The following CDKL4 variants were observed in gnomAD, a reference collection of about 807,000 sequenced individuals.
CDKL4 encodes cyclin-dependent kinase-like 4.
CDKL4 carries 44 observed loss-of-function variants against 42.0 expected under a neutral mutation model. The ratio of observed to expected loss-of-function variants is 1.05; its 90% CI spans 0.82 to 1.35. The LOEUF (loss-of-function observed/expected upper bound fraction) is 1.35. Ranked by LOEUF, CDKL4 falls within the 40% of genes most tolerant of loss-of-function variation. The probability of loss-of-function intolerance (pLI) is 0.00; values close to 1 mark genes in which losing one functional copy is unlikely to be tolerated. For missense variants in CDKL4, 393 were observed against 369.9 expected (o/e 1.06, Z -0.51); for synonymous variants, 120 against 121.6 (o/e 0.99, Z 0.09).
upstream of CDKL4, among the ~76,000 whole-genome samples, chr2:39,245,133 A>G (rs1481275449): frequency 2.0e-5 from 3 of 152,212 alleles, no homozygotes; most frequent in Non-Finnish European, 4.4e-5. Context: ...TCCTTTCCAC[A>G]CTGTGGAAGC....
At chr2:39,212,410 T>G (rs1159102582) in intron 4 of CDKL4, among the ~76,000 whole-genome samples, 1 of 151,836 alleles carries the variant, frequency 6.6e-6, no homozygotes. Context: ...ATTTTTTGTA[T>G]TTTTAGTAGA....
At chr2:39,232,402 C>T (rs1679129591) in intron 1 of CDKL4, among the ~76,000 whole-genome samples, 3 of 152,206 alleles carry the variant, frequency 2.0e-5, no homozygotes, top group Admixed American at 2.0e-4. Context: ...AATTCCTACT[C>T]TCTTATTTGA....
At chr2:39,215,115 T>G (rs1235438434) in intron 3 of CDKL4, among the ~76,000 whole-genome samples, 1 of 152,200 alleles carries the variant, frequency 6.6e-6, no homozygotes, top group Non-Finnish European at 1.5e-5. Flanking sequence ...CAAACATCTG[T>G]GCATCAAAGT....
chr2:39,236,471 A>T (rs907992603), intron 1 of CDKL4, among the ~76,000 whole-genome samples: 1 of 152,204 alleles, frequency 6.6e-6, no homozygotes, highest in African/African-American at 2.4e-5. Flanking sequence ...ATGAATTCCA[A>T]ATAGGATAAA....
intron 3 of CDKL4, among the ~76,000 whole-genome samples, chr2:39,221,723 A>T (rs772719730): frequency 7.9e-5 from 12 of 152,218 alleles, no homozygotes; most frequent in Non-Finnish European, 1.6e-4. Context: ...ATTGCAAAAC[A>T]CATATTCAAC....
upstream of CDKL4, among the ~76,000 whole-genome samples, chr2:39,245,652 C>T (rs182172840): frequency 5.3e-4 from 81 of 152,336 alleles, no homozygotes; most frequent in East Asian, 1.9e-3. Context: ...ACCATGTCCC[C>T]TTCTTTCCCA....
intron 3 of CDKL4, among the ~76,000 whole-genome samples, chr2:39,225,532 G>A (rs1454405404): frequency 6.6e-6 from 1 of 151,790 alleles, no homozygotes. Context: ...TCTTATTAGT[G>A]AATTATATGA....
chr2:39,246,551 C>T (rs1047742900), upstream of CDKL4, among the ~76,000 whole-genome samples: 1 of 152,236 alleles, frequency 6.6e-6, no homozygotes, highest in Non-Finnish European at 1.5e-5. Flanking sequence ...TATTACTCTG[C>T]TTCAGGCACC....
At chr2:39,237,013 G>C (rs573887814) in intron 1 of CDKL4, among the ~76,000 whole-genome samples, 68 of 152,272 alleles carry the variant, frequency 4.5e-4, no homozygotes, top group African/African-American at 1.6e-3. Flanking sequence ...ACATAGAAGA[G>C]GAGGGAACAT....
At chr2:39,196,618 T>C (rs1429044052) in intron 5 of CDKL4, among the ~76,000 whole-genome samples, 1 of 152,164 alleles carries the variant, frequency 6.6e-6, no homozygotes, top group Non-Finnish European at 1.5e-5. Flanking sequence ...TAAGGTTCTT[T>C]TTTTTTTGAG....
chr2:39,230,238 G>T, intron 1 of CDKL4, among the ~76,000 whole-genome samples: 1 of 152,196 alleles, frequency 6.6e-6, no homozygotes, highest in East Asian at 1.9e-4. Context: ...AATTAGCCAG[G>T]TGTGGTGGCA....
At chr2:39,222,388 G>C (rs1041571858) in intron 3 of CDKL4, among the ~76,000 whole-genome samples, 2 of 152,076 alleles carry the variant, frequency 1.3e-5, no homozygotes, top group African/African-American at 2.4e-5. Context: ...TTAGGAGTTC[G>C]AGAGCAGCCT....
At chr2:39,245,057 G>A (rs1380101683), upstream of CDKL4, among the ~76,000 whole-genome samples, 1 of 152,222 alleles carries the variant, frequency 6.6e-6, no homozygotes, top group African/African-American at 2.4e-5. Flanking sequence ...TCAGCAGGTC[G>A]TGGGTGGGAC....
chr2:39,227,678 C>T (rs1558581652), intron 2 of CDKL4, among the ~76,000 whole-genome samples: 1 of 152,188 alleles, frequency 6.6e-6, no homozygotes, highest in Non-Finnish European at 1.5e-5. Context: ...ATCTAAAAAG[C>T]CAGTGGCTTT....
intron 3 of CDKL4, among the ~76,000 whole-genome samples, chr2:39,225,000 T>G (rs754297191): frequency 1.2e-4 from 18 of 152,330 alleles, no homozygotes; most frequent in Non-Finnish European, 1.6e-4. Flanking sequence ...TTTTTCTTAT[T>G]ACATTACATT....
At chr2:39,173,823 A>G (rs2148272420), downstream of CDKL4, among the ~76,000 whole-genome samples, 1 of 150,958 alleles carries the variant, frequency 6.6e-6, no homozygotes, top group Non-Finnish European at 1.5e-5. Context: ...AAAAAAAAAA[A>G]AAAAAAAAAA....
At chr2:39,176,485 A>G (rs554689935) in intron 9 of CDKL4, among the ~76,000 whole-genome samples, 1 of 152,312 alleles carries the variant, frequency 6.6e-6, no homozygotes, top group African/African-American at 2.4e-5. Flanking sequence ...CCCAGGCTGG[A>G]GTGCAATGGT....
intron 5 of CDKL4, among the ~76,000 whole-genome samples, chr2:39,198,850 A>G (rs1331463262): frequency 6.6e-6 from 1 of 152,190 alleles, no homozygotes; most frequent in Non-Finnish European, 1.5e-5. Context: ...CCAAGAGGAA[A>G]GTTTATAGCA....
chr2:39,239,419 C>A (rs1415861414), intron 1 of CDKL4, among the ~76,000 whole-genome samples: 1 of 152,114 alleles, frequency 6.6e-6, no homozygotes, highest in African/African-American at 2.4e-5. Context: ...AAATGAAAAG[C>A]TAAGCCACAG....
Sources: gnomAD v4.1 joint callset for allele counts (sites outside exome capture counted in the v4.1 genomes callset) on GRCh38, gnomAD v4.1.1 for gene constraint, MANE v1.5 for transcripts, NCBI Gene and HGNC (gene_info 2026-07-23, HGNC 2026-07-21) for gene names.